ADTRP: variants seen among roughly 807,000 people sequenced by gnomAD.
ADTRP encodes the protein androgen-dependent TFPI-regulating protein.
Under a neutral mutation model 27.0 loss-of-function variants are expected in ADTRP, and 20 were observed. That is an observed-to-expected ratio of 0.74 (90% CI 0.52 to 1.08). ADTRP has a LOEUF of 1.08. ADTRP is among the 50% of genes least tolerant of loss of function. The probability of loss-of-function intolerance (pLI) is 0.00; values close to 1 mark genes in which losing one functional copy is unlikely to be tolerated. For synonymous variants in ADTRP, 101 were observed against 105.2 expected (o/e 0.96, Z 0.25); for missense variants, 251 against 275.0 (o/e 0.91, Z 0.62).
intron 3 of ADTRP, chr6:11,735,927 T>C (rs1275816004): frequency 2.6e-6 from 1 of 382,736 alleles, no homozygotes; most frequent in Non-Finnish European, 4.8e-6. Flanking sequence ...GTCCTGCTTA[T>C]TGCCCACTGC....
chr6:11,720,629 A>G (rs2235423), intron 5 of ADTRP, among the ~76,000 whole-genome samples: 103,576 of 151,804 alleles, frequency 0.68, 35,629 homozygotes, highest in African/African-American at 0.73. Flanking sequence ...CCGCCACCAC[A>G]CCCGGCTAAT....
chr6:11,754,940 A>T, intron 3 of ADTRP: 1 of 801,568 alleles, frequency 1.2e-6, no homozygotes, highest in Non-Finnish European at 1.5e-6. Flanking sequence ...CTGTCTTGAG[A>T]TCATGGGAGT....
intron 3 of ADTRP, among the ~76,000 whole-genome samples, chr6:11,765,295 C>T (rs1763527105): frequency 6.7e-6 from 1 of 149,546 alleles, no homozygotes; most frequent in Non-Finnish European, 1.5e-5. Context: ...TCTTGACATG[C>T]CACTTCCTTG....
intron 4 of ADTRP, among the ~76,000 whole-genome samples, chr6:11,727,289 G>C (rs1286623494): frequency 6.6e-6 from 1 of 152,068 alleles, no homozygotes; most frequent in Non-Finnish European, 1.5e-5. Flanking sequence ...CAAAGTGCTG[G>C]GATTACAAGC....
chr6:11,776,922 A>G (rs1396895258), intron 1 of ADTRP, among the ~76,000 whole-genome samples: 2 of 152,156 alleles, frequency 1.3e-5, no homozygotes, highest in African/African-American at 4.8e-5. Context: ...AAAACAAACC[A>G]AAACCAGTGC....
At position 11,723,399 on chromosome 6, in the gene ADTRP, A is replaced by G. The variant is rs757583680; in HGVS notation, c.608T>C (p.Phe203Ser). 6.2e-7 allele frequency: 1 copy of G among 1,614,168 alleles called. No individual in the cohort carries two copies. Among genetic ancestry groups the G allele is most frequent in the Non-Finnish European group, 8.5e-7 (1 of 1,180,036 alleles). Residue 203 changes from phenylalanine (F) to serine (S), a missense_variant, in exon 5 of 6, where the codon TTC becomes TCC. Transcript: ENST00000414691. ...TCCAAGTAGGTAGATGCTGGCGATG[A>G]AGACGTAGCTGAGAGAGAAGAAAGC... ...LAAFFSLSYV[F>S]IASIYLLGEK...
intron 3 of ADTRP, among the ~76,000 whole-genome samples, chr6:11,765,057 C>T (rs80059960): frequency 6.6e-6 from 1 of 152,064 alleles, no homozygotes; most frequent in Non-Finnish European, 1.5e-5. Flanking sequence ...GTCCTGAACT[C>T]CAAAAGAGTT....
chr6:11,714,677 C>T lies in ADTRP; in HGVS notation c.659-165G>A, dbSNP rs532950880. Among the ~76,000 whole-genome samples the T allele has an allele frequency of 2.0e-4, 30 of 152,288 alleles. No homozygotes were observed. The South Asian group carries it at 5.4e-3, about 27-fold the overall frequency. ...AGGAGTTATGAAAAAACAGCTGCCA[C>T]GATGACAGGGGCAGAGAACAACTCT... On this transcript the variant is annotated intron_variant, in intron 5 of 5. Coordinates refer to ENST00000414691, the MANE Select transcript of ADTRP (RefSeq NM_032744.4).
intron 3 of ADTRP, among the ~76,000 whole-genome samples, chr6:11,739,165 C>G (rs1262687876): frequency 6.6e-6 from 1 of 152,212 alleles, no homozygotes; most frequent in African/African-American, 2.4e-5. Flanking sequence ...ACTGGAAACA[C>G]TGACTCACTC....
At chr6:11,736,794 G>C (rs184715079) in intron 3 of ADTRP, 2 of 152,170 alleles carry the variant, frequency 1.3e-5, no homozygotes, top group African/African-American at 4.8e-5. Flanking sequence ...CGTACGCTCT[G>C]GGGGGCCGGA....
chr6:11,754,854 G>C (rs748667947), intron 3 of ADTRP, among the ~76,000 whole-genome samples: 1 of 152,198 alleles, frequency 6.6e-6, no homozygotes, highest in East Asian at 1.9e-4. Context: ...TAATTAGGAA[G>C]AGGAGTGTCA....
chr6:11,717,265 T>C, intron 5 of ADTRP: 1 of 1,299,238 alleles, frequency 7.7e-7, no homozygotes, highest in South Asian at 1.2e-5. Context: ...TGCTGTCAGA[T>C]AGTAGCAAGG....
In ADTRP at chr6:11,778,591, G is replaced by A. The variant is rs752934119; in HGVS notation, c.153+16C>T. ...AGAGAAATGGATCGGTTCCTGGTAC[G>A]GACATATGGACTTACCAGATTAAGC... On this transcript the variant is annotated intron_variant, in intron 1 of 5. Coordinates refer to ENST00000414691, the MANE Select transcript of ADTRP (RefSeq NM_032744.4). 11 of 1,609,860 alleles carry A rather than the reference G, an allele frequency of 6.8e-6. No homozygotes were observed. The highest frequency in any genetic ancestry group is 1.3e-5 in the African/African-American group (1 of 74,806).
chr6:11,715,778 C>G (rs1471138698), intron 5 of ADTRP, among the ~76,000 whole-genome samples: 1 of 135,424 alleles, frequency 7.4e-6, no homozygotes, highest in Admixed American at 7.7e-5. Context: ...GACTAGTTGG[C>G]ACTAGAGGTG....
intron 1 of ADTRP, among the ~76,000 whole-genome samples, chr6:11,777,724 T>C (rs1764005979): frequency 1.3e-5 from 2 of 152,100 alleles, no homozygotes; most frequent in African/African-American, 4.8e-5. Context: ...CTCTCTCCAT[T>C]TCCACGTCCT....
chr6:11,715,648 CTTTT>C (rs55815652), intron 5 of ADTRP, among the ~76,000 whole-genome samples: 7,546 of 121,024 alleles, frequency 0.062, 216 homozygotes, highest in Middle Eastern at 0.11. Flanking sequence ...CTGTTTTTCC[CTTTT>C]TTTTTTTTTT....
chr6:11,726,045 T>C (rs182572365), intron 4 of ADTRP, among the ~76,000 whole-genome samples: 575 of 152,290 alleles, frequency 3.8e-3, no homozygotes, highest in Non-Finnish European at 5.9e-3. Context: ...AAATGTGGCT[T>C]ATACATAGGC....
intron 1 of ADTRP, among the ~76,000 whole-genome samples, chr6:11,769,413 C>T (rs1763690025): frequency 6.6e-6 from 1 of 152,128 alleles, no homozygotes; most frequent in Non-Finnish European, 1.5e-5. Flanking sequence ...ACATGCTGCT[C>T]CTGGGCTGAG....
chr6:11,719,866 G>A (rs974335872), intron 5 of ADTRP, among the ~76,000 whole-genome samples: 1 of 146,570 alleles, frequency 6.8e-6, no homozygotes, highest in African/African-American at 2.5e-5. Context: ...GAGAATGAGG[G>A]AGAATAAGAT....
Sources: gnomAD v4.1 joint callset for allele counts (sites outside exome capture counted in the v4.1 genomes callset) on GRCh38, gnomAD v4.1.1 for gene constraint, MANE v1.5 for transcripts, NCBI Gene and HGNC (gene_info 2026-07-23, HGNC 2026-07-21) for gene names.